MLLT3: variants seen among roughly 807,000 people sequenced by gnomAD.
MLLT3 encodes MLLT3 super elongation complex subunit.
MLLT3 carries 4 observed loss-of-function variants against 53.2 expected under a neutral mutation model. The observed-to-expected ratio is 0.08, with a 90% CI of 0.04 to 0.17. The LOEUF (loss-of-function observed/expected upper bound fraction) is 0.17, where lower values mean the gene tolerates loss of function less well. Ranked by LOEUF, MLLT3 falls within the 10% of genes least tolerant of loss-of-function variation. The pLI is 1.00. For missense variants in MLLT3, 569 were observed against 684.0 expected, an observed-to-expected ratio of 0.83 and a Z score of 1.87; for synonymous variants, 283 against 230.6, an observed-to-expected ratio of 1.23 and a Z score of -2.06.
At chr9:20,570,537 T>G (rs1406310608) in intron 2 of MLLT3, among the ~76,000 whole-genome samples, 1 of 152,196 alleles carries the variant, frequency 6.6e-6, no homozygotes, top group Non-Finnish European at 1.5e-5. Flanking sequence ...TAAATGAGAT[T>G]TCTGGAATGT....
intron 4 of MLLT3, among the ~76,000 whole-genome samples, chr9:20,421,670 C>T (rs971704253): frequency 6.6e-6 from 1 of 152,176 alleles, no homozygotes; most frequent in African/African-American, 2.4e-5. Context: ...AATTTACAAT[C>T]TACTTCTCTA....
chr9:20,606,492 T>C (rs957192191), intron 2 of MLLT3, among the ~76,000 whole-genome samples: 1 of 152,148 alleles, frequency 6.6e-6, no homozygotes, highest in Admixed American at 6.6e-5. Context: ...AATTACATTA[T>C]ACTCCATTTG....
chr9:20,348,357 T>C (rs569949615), intron 10 of MLLT3, among the ~76,000 whole-genome samples: 67 of 152,364 alleles, frequency 4.4e-4, no homozygotes, highest in African/African-American at 1.6e-3. Context: ...CTCACTGTTT[T>C]CAGGAATATT....
intron 8 of MLLT3, among the ~76,000 whole-genome samples, chr9:20,355,451 G>A (rs1002826652): frequency 6.6e-6 from 1 of 152,146 alleles, no homozygotes; most frequent in East Asian, 1.9e-4. Flanking sequence ...TTGGTAAAAC[G>A]CCAAGTGCTT....
chr9:20,514,564 C>T (rs1453856217), intron 2 of MLLT3, among the ~76,000 whole-genome samples: 3 of 151,602 alleles, frequency 2.0e-5, no homozygotes, highest in Non-Finnish European at 4.4e-5. Flanking sequence ...TCCCCCATAT[C>T]AAATGAGAAA....
intron 5 of MLLT3, among the ~76,000 whole-genome samples, chr9:20,379,660 A>G (rs755222726): frequency 1.3e-5 from 2 of 152,088 alleles, no homozygotes; most frequent in African/African-American, 2.4e-5. Context: ...TTTAAAAACA[A>G]TAAGAAGGTA....
intron 2 of MLLT3, among the ~76,000 whole-genome samples, chr9:20,551,732 C>G (rs1440270967): frequency 6.6e-6 from 1 of 152,140 alleles, no homozygotes; most frequent in Non-Finnish European, 1.5e-5. Flanking sequence ...TCCATAAATT[C>G]CCAATGATGA....
At position 20,621,742 on chromosome 9, in the gene MLLT3, G is replaced by T; in HGVS notation, c.12+503C>A. On this transcript the variant is annotated intron_variant, in intron 1 of 10. Transcript: ENST00000380338. This position sits in a 1 kb window ranked among gnomAD's most constrained non-coding sequence, Gnocchi z 7.0. ...CGCCGCTGTCAGCCCCGCACACTTC[G>T]GCTCACACACGCGCGCCGCGGAGAA... 6.7e-7 allele frequency: 1 copy of T among 1,490,880 alleles called. No individual in the cohort carries two copies. The allele number at this position is 1,490,880 out of a possible 1,614,324, so 92.4% of individuals were successfully genotyped here.
chr9:20,605,427 G>A (rs1322999552), intron 2 of MLLT3, among the ~76,000 whole-genome samples: 5 of 151,766 alleles, frequency 3.3e-5, no homozygotes, highest in South Asian at 2.1e-4. Flanking sequence ...TGTGAATAAC[G>A]GAAACAAAGT....
Position 20,615,340 on chromosome 9 carries a change from G to T in MLLT3, c.193+5314C>A, listed in dbSNP as rs1379607710. ...ATCACGCAATTACAACCCAGCCTGG[G>T]TGACAGGGCCAGACCATGTGAAAAA... is the stretch of plus-strand genomic sequence containing the variant. On this transcript the variant is annotated intron_variant, in intron 2 of 10. Transcript: ENST00000380338. Among the ~76,000 whole-genome samples, 6 of 131,868 alleles carry T rather than the reference G, an allele frequency of 4.6e-5. No homozygotes were observed. The Admixed American group carries it at 5.2e-4, about 12-fold the overall frequency. The allele number at this position is 131,868 out of a possible 152,430, so 86.5% of individuals were successfully genotyped here.
chr9:20,415,761 T>C (rs902684125), intron 4 of MLLT3, among the ~76,000 whole-genome samples: 2 of 152,018 alleles, frequency 1.3e-5, no homozygotes, highest in African/African-American at 2.4e-5. Context: ...ATTGGGTATA[T>C]GCAAAAACAA....
intron 5 of MLLT3, among the ~76,000 whole-genome samples, chr9:20,393,518 A>G (rs1162560992): frequency 1.3e-5 from 2 of 152,216 alleles, no homozygotes; most frequent in Non-Finnish European, 2.9e-5. Context: ...AGACCTTGCT[A>G]TAAAGATTTC....
At chr9:20,406,896 A>G (rs1822592495) in intron 5 of MLLT3, among the ~76,000 whole-genome samples, 1 of 152,026 alleles carries the variant, frequency 6.6e-6, no homozygotes, top group Non-Finnish European at 1.5e-5. Flanking sequence ...CTGCACAATC[A>G]CCTTTGGTGA....
intron 8 of MLLT3, among the ~76,000 whole-genome samples, chr9:20,357,981 GCACACACACACA>G (rs3222132): frequency 4.3e-5 from 6 of 139,454 alleles, no homozygotes; most frequent in South Asian, 2.4e-4. Flanking sequence ...TCCCTCCTGC[GCACACACACACA>G]CACACACACA....
chr9:20,579,762 A>G (rs1161442043), intron 2 of MLLT3, among the ~76,000 whole-genome samples: 2 of 152,176 alleles, frequency 1.3e-5, no homozygotes, highest in Admixed American at 1.3e-4. Flanking sequence ...TTAGGGACAC[A>G]TATGAGAGGC....
At chr9:20,511,531 AAAGGCGTTATGCTATG>A (rs1307051789) in intron 2 of MLLT3, among the ~76,000 whole-genome samples, 1 of 152,200 alleles carries the variant, frequency 6.6e-6, no homozygotes, top group Non-Finnish European at 1.5e-5. Context: ...AGATGGTAGA[AAAGGCGTTATGCTATG>A]AAGCATCATT....
chr9:20,487,581 G>T (rs1488730028), intron 2 of MLLT3, among the ~76,000 whole-genome samples: 1 of 152,046 alleles, frequency 6.6e-6, no homozygotes, highest in African/African-American at 2.4e-5. Context: ...CAAGAAAGAT[G>T]GCCATTTCCC....
At chr9:20,379,255 T>C (rs1006344418) in intron 5 of MLLT3, among the ~76,000 whole-genome samples, 2 of 152,040 alleles carry the variant, frequency 1.3e-5, no homozygotes, top group African/African-American at 4.8e-5. Context: ...GAAAAGCAAA[T>C]ACTCTAACTT....
Position 20,617,514 on chromosome 9 carries a change from G to T in MLLT3, c.193+3140C>A, listed in dbSNP as rs377035646. 5.9e-5 allele frequency among the ~76,000 whole-genome samples: 9 copies of T among 151,798 alleles called. 1 individual carries two copies. ...TGCAATAGTAAGGATGGCTGTAACT[G>T]GAAAAAAAGTTCACTCAAATTCACA... is the stretch of plus-strand genomic sequence containing the variant. On this transcript the variant is annotated intron_variant, in intron 2 of 10. Coordinates refer to ENST00000380338, the MANE Select transcript of MLLT3 (RefSeq NM_004529.4).
Sources: gnomAD v4.1 joint callset for allele counts (sites outside exome capture counted in the v4.1 genomes callset) on GRCh38, gnomAD v4.1.1 for gene constraint, Gnocchi (gnomAD v3.1) non-coding constraint, MANE v1.5 for transcripts, NCBI Gene and HGNC (gene_info 2026-07-23, HGNC 2026-07-21) for gene names.